The following CUEDC1 variants were observed in gnomAD, a reference collection of about 807,000 sequenced individuals.
CUEDC1 encodes CUE domain containing 1.
In CUEDC1, 30 loss-of-function variants were observed where a neutral mutation model predicts 43.7. That is an observed-to-expected ratio of 0.69 (90% CI 0.51 to 0.93). CUEDC1 has a LOEUF of 0.93. Among genes scored for constraint, CUEDC1 ranks in the 40% least tolerant of loss-of-function variants. CUEDC1 has a pLI of 0.00. For missense variants in CUEDC1, 486 were observed against 549.0 expected (o/e 0.89, Z 1.15); for synonymous variants, 223 against 223.6 (o/e 1.00, Z 0.02).
At position 57,868,220 on chromosome 17, in the gene CUEDC1, G is replaced by C; in HGVS notation, c.964C>G (p.Leu322Val). The change falls in exon 8 of 11, where the codon CTT becomes GTT. Residue 322 changes from leucine to valine, a missense_variant. Coordinates refer to ENST00000577830, the MANE Select transcript of CUEDC1 (RefSeq NM_001271875.2). ...GTCTTCTCTGAGAAGGCTCGGGCAA[G>C]TTCAAACAGTTTCCTCCGGGTGGCT... is the stretch of plus-strand genomic sequence containing the variant. ...GKSTRRKLFELARAFSEKTKM... is the reference protein window; with the variant it reads ...GKSTRRKLFEVARAFSEKTKM... 6.2e-7 allele frequency: 1 copy of C among 1,614,232 alleles called. No individual in the cohort carries two copies.
intron 1 of CUEDC1, among the ~76,000 whole-genome samples, chr17:57,931,777 G>C (rs142739404): frequency 6.6e-6 from 1 of 152,160 alleles, no homozygotes; most frequent in East Asian, 1.9e-4. Flanking sequence ...ACACAGTCCC[G>C]AATCCAGGGA....
intron 1 of CUEDC1, among the ~76,000 whole-genome samples, chr17:57,898,970 G>T (rs2074441812): frequency 6.6e-6 from 1 of 152,214 alleles, no homozygotes. Flanking sequence ...CCCCAAGGGA[G>T]GGGCTCCATG....
At chr17:57,924,168 C>T (rs141673317) in intron 1 of CUEDC1, among the ~76,000 whole-genome samples, 75 of 152,142 alleles carry the variant, frequency 4.9e-4, no homozygotes, top group African/African-American at 1.7e-3. Flanking sequence ...TGCAGTGGCA[C>T]GATCTCAGCT....
chr17:57,947,274 T>C (rs2074968212), intron 1 of CUEDC1, among the ~76,000 whole-genome samples: 2 of 152,116 alleles, frequency 1.3e-5, no homozygotes, highest in Non-Finnish European at 2.9e-5. Flanking sequence ...GCTACTTCTC[T>C]CTTATTTGCA....
intron 9 of CUEDC1, 143 bp downstream of exon 9, chr17:57,867,214 A>G (rs2073971794): frequency 7.9e-6 from 6 of 757,840 alleles, no homozygotes; most frequent in South Asian, 3.1e-5. Context: ...AGGGGGATCC[A>G]TATCTTTGGG....
At chr17:57,879,504 T>G in intron 3 of CUEDC1, 107 bp downstream of exon 3, 45 of 1,269,602 alleles carry the variant, frequency 3.5e-5, no homozygotes, top group Non-Finnish European at 4.0e-5. Context: ...GCCTGTTCTT[T>G]GAAATATACT....
At chr17:57,895,414 G>T (rs1277328471) in intron 1 of CUEDC1, among the ~76,000 whole-genome samples, 1 of 152,218 alleles carries the variant, frequency 6.6e-6, no homozygotes, top group Non-Finnish European at 1.5e-5. Flanking sequence ...GAGGCTGGGG[G>T]TGCCTGGGTG....
At chr17:57,942,711 G>A (rs976748388) in intron 1 of CUEDC1, among the ~76,000 whole-genome samples, 3 of 151,182 alleles carry the variant, frequency 2.0e-5, no homozygotes, top group African/African-American at 7.3e-5. Flanking sequence ...TTTATGAGAT[G>A]AATTTTTATG....
intron 3 of CUEDC1, among the ~76,000 whole-genome samples, chr17:57,874,797 C>A (rs2074090534): frequency 6.6e-6 from 1 of 152,140 alleles, no homozygotes; most frequent in Non-Finnish European, 1.5e-5. Context: ...GGGAGCTTTT[C>A]CGGGCTGCCG....
chr17:57,898,918 C>T (rs555116314), intron 1 of CUEDC1, among the ~76,000 whole-genome samples: 99 of 152,186 alleles, frequency 6.5e-4, no homozygotes, highest in Non-Finnish European at 1.0e-3. Context: ...GCAGGGTGCC[C>T]ACTCCTAACC....
chr17:57,917,356 C>G (rs952503992), intron 1 of CUEDC1, among the ~76,000 whole-genome samples: 1 of 152,206 alleles, frequency 6.6e-6, no homozygotes, highest in Non-Finnish European at 1.5e-5. Flanking sequence ...CATTGTTCAT[C>G]AGGTGACACA....
chr17:57,929,911 C>T (rs2074787436), intron 1 of CUEDC1, among the ~76,000 whole-genome samples: 1 of 152,186 alleles, frequency 6.6e-6, no homozygotes, highest in Non-Finnish European at 1.5e-5. Flanking sequence ...AAGCAATTCT[C>T]CTGCCTCAGC....
rs2074281714 is a variant in CUEDC1, at chr17:57,885,717, C to T, written c.-153G>A. ...GGGTAGCCAGGCAGCAATGGGCTGC[C>T]AAGAGCTCCGGGTTAGGAGAGTACG... On this transcript the variant is annotated 5_prime_UTR_variant, in exon 2 of 11. Transcript: ENST00000577830. 8.0e-7 allele frequency: 1 copy of T among 1,255,954 alleles called. No homozygotes were observed. Among genetic ancestry groups the T allele is most frequent in the Non-Finnish European group, 1.0e-6 (1 of 989,166 alleles). The allele number at this position is 1,255,954 out of a possible 1,614,324, so 77.8% of individuals were successfully genotyped here. A position where few individuals can be genotyped will look rare whatever the true frequency, so the allele number is the denominator to read the frequency against.
chr17:57,882,666 C>G (rs2074228272), intron 2 of CUEDC1, among the ~76,000 whole-genome samples: 1 of 152,164 alleles, frequency 6.6e-6, no homozygotes, highest in Non-Finnish European at 1.5e-5. Flanking sequence ...GCAAAACCAA[C>G]CCCTCCTGTC....
intron 1 of CUEDC1, among the ~76,000 whole-genome samples, chr17:57,886,943 C>T (rs1219015292): frequency 4.0e-5 from 6 of 151,764 alleles, no homozygotes; most frequent in Non-Finnish European, 5.9e-5. Context: ...CTCAGCCTCC[C>T]GAGTAGCTGG....
intron 1 of CUEDC1, among the ~76,000 whole-genome samples, chr17:57,943,267 C>T (rs1171333752): frequency 2.0e-5 from 3 of 152,116 alleles, no homozygotes; most frequent in East Asian, 1.9e-4. Flanking sequence ...GCCTAGTGCC[C>T]GCCCTAGGAG....
chr17:57,954,424 T>C lies in CUEDC1; in HGVS notation c.-316+801A>G, dbSNP rs1368513939. On this transcript the variant is annotated intron_variant, in intron 1 of 10. Transcript: ENST00000577830. The surrounding 1 kb of genome is among the most constrained non-coding windows in gnomAD (Gnocchi z 4.3). ...GAATTTAATTTCAGTGTACGTTTCT[T>C]AGAGCTAAAACTTTTTTTAAGGGGA... Among the ~76,000 whole-genome samples, 2 of 152,144 alleles carry C rather than the reference T, an allele frequency of 1.3e-5. No individual in the cohort carries two copies. Among genetic ancestry groups the C allele is most frequent in the East Asian group, 3.9e-4 (2 of 5,194 alleles).
chr17:57,932,281 C>CAAAAAAAAAAAAAAAAAAAAAAAAAA (rs56137797), intron 1 of CUEDC1, among the ~76,000 whole-genome samples: 1 of 121,942 alleles, frequency 8.2e-6, no homozygotes, highest in Non-Finnish European at 1.6e-5. Context: ...CACTGTGTCT[C>CAAAAAAAAAAAAAAAAAAAAAAAAAA]AAAAAAAAAA....
chr17:57,949,368 G>A (rs563123873), intron 1 of CUEDC1, among the ~76,000 whole-genome samples: 39 of 152,176 alleles, frequency 2.6e-4, no homozygotes, highest in African/African-American at 8.9e-4. Flanking sequence ...TCCAGGATGG[G>A]CCCCAGCAGA....
Sources: allele counts gnomAD v4.1 joint callset (sites outside exome capture counted in the v4.1 genomes callset), GRCh38; gene constraint gnomAD v4.1.1; non-coding constraint Gnocchi (gnomAD v3.1); transcripts MANE v1.5; gene names NCBI Gene and HGNC (gene_info 2026-07-23, HGNC 2026-07-21).